Variants in NEK10 observed in about 807,000 individuals in gnomAD.
NEK10 encodes the protein serine/threonine-protein kinase Nek10.
NEK10 carries 122 observed loss-of-function variants against 159.8 expected under a neutral mutation model. The ratio of observed to expected loss-of-function variants is 0.76; its 90% CI spans 0.66 to 0.89. NEK10 has a LOEUF of 0.89. Ranked by LOEUF, NEK10 falls within the 40% of genes least tolerant of loss-of-function variation. The pLI, the probability that NEK10 is intolerant of heterozygous loss-of-function variation, is 0.00. For synonymous variants in NEK10, 466 were observed against 457.1 expected (o/e 1.02, Z -0.25); for missense variants, 1,342 against 1,323.1 (o/e 1.01, Z -0.22).
At chr3:27,205,748 A>G (rs1297602759) in intron 23 of NEK10, among the ~76,000 whole-genome samples, 1 of 132,560 alleles carries the variant, frequency 7.5e-6, no homozygotes, top group Non-Finnish European at 1.6e-5. Flanking sequence ...CTAAAACCAT[A>G]AAAACCCTAG....
Position 27,290,682 on chromosome 3 carries a change from C to T in NEK10, c.1678G>A (p.Asp560Asn). ...VNLHNPAFGK[D>N]KKDRDSSVRN... Reference sequence around the variant, plus strand: ...ACGCTGCTGTCTCGATCTTTCTTATCCTTTCCAAATGCTGGGTTATGTAAA... The same window carrying T: ...ACGCTGCTGTCTCGATCTTTCTTATTCTTTCCAAATGCTGGGTTATGTAAA... Residue 560 changes from aspartate to asparagine, a missense_variant, in exon 19 of 36, where the codon GAT becomes AAT. Physicochemically the swap from Asp to Asn is conservative, Grantham distance 23. Transcript: ENST00000691995. 6.2e-7 allele frequency: 1 copy of T among 1,608,598 alleles called. No homozygotes were observed. The highest frequency in any genetic ancestry group is 8.5e-7 in the Non-Finnish European group (1 of 1,175,632).
At chr3:27,253,524 A>G (rs1955876738) in intron 23 of NEK10, among the ~76,000 whole-genome samples, 1 of 152,222 alleles carries the variant, frequency 6.6e-6, no homozygotes, top group Non-Finnish European at 1.5e-5. Flanking sequence ...CTTCTGTTCT[A>G]GTACAATCGG....
chr3:27,344,267 C>A lies in NEK10; in HGVS notation c.362+5G>T, dbSNP rs1254082061. The A allele has an allele frequency of 6.8e-7, 1 of 1,465,908 alleles. No homozygotes were observed. Among genetic ancestry groups the A allele is most frequent in the Non-Finnish European group, 9.5e-7 (1 of 1,052,320 alleles). The allele number at this position is 1,465,908 out of a possible 1,614,324, so 90.8% of individuals were successfully genotyped here. ...TAAAAGCCTGTTTTCCAGGAACAAT[C>A]TTACCTGCTTATGAGTCTATTTTTC... On this transcript the variant is annotated splice_donor_5th_base_variant and intron_variant, in intron 5 of 35. Transcript: ENST00000691995.
intron 23 of NEK10, among the ~76,000 whole-genome samples, chr3:27,249,310 T>C (rs1016757531): frequency 1.3e-5 from 2 of 152,334 alleles, no homozygotes; most frequent in East Asian, 1.9e-4. Flanking sequence ...TAGTTCTTTA[T>C]AGCAGTTTGA....
At chr3:27,225,329 CA>C (rs1282292679) in intron 23 of NEK10, among the ~76,000 whole-genome samples, 4 of 152,210 alleles carry the variant, frequency 2.6e-5, no homozygotes, top group Non-Finnish European at 4.4e-5. Context: ...TCTCCTTTGG[CA>C]ACATCCTCAC....
intron 1 of NEK10, among the ~76,000 whole-genome samples, chr3:27,353,821 A>G (rs2048142294): frequency 6.6e-6 from 1 of 152,212 alleles, no homozygotes. Flanking sequence ...AAGCAAAAAA[A>G]CAAACAAAAA....
At chr3:27,158,023 T>A (rs1204200265) in intron 30 of NEK10, among the ~76,000 whole-genome samples, 1 of 152,188 alleles carries the variant, frequency 6.6e-6, no homozygotes, top group Non-Finnish European at 1.5e-5. Context: ...CTTAGTATAG[T>A]GTAAACATAA....
At chr3:27,324,964 C>T (rs1270351159) in intron 5 of NEK10, among the ~76,000 whole-genome samples, 1 of 152,134 alleles carries the variant, frequency 6.6e-6, no homozygotes, top group Non-Finnish European at 1.5e-5. Flanking sequence ...CCCATGAAAG[C>T]CTTTTGTGGC....
In NEK10 at chr3:27,204,301, G is replaced by GC. The variant is rs1950311655; in HGVS notation, c.2091-1745_2091-1744insG. 1.2e-4 allele frequency among the ~76,000 whole-genome samples: 8 copies of GC among 66,352 alleles called. No homozygotes were observed. The East Asian group carries it at 3.6e-3, about 29-fold the overall frequency. The allele number at this position is 66,352 out of a possible 152,430, so 43.5% of individuals were successfully genotyped here. Reference sequence around the variant, plus strand: ...TTTTTTTTTTTTTTTTTTTGTTGTTGTTTTTTTTTTTTTTTTTTTTATTAT... The same window carrying GC: ...TTTTTTTTTTTTTTTTTTTGTTGTTGCTTTTTTTTTTTTTTTTTTTTATTAT... On this transcript the variant is annotated intron_variant, in intron 23 of 35. Transcript: ENST00000691995.
At chr3:27,207,571 C>T (rs1272996111) in intron 23 of NEK10, among the ~76,000 whole-genome samples, 1 of 152,022 alleles carries the variant, frequency 6.6e-6, no homozygotes, top group Non-Finnish European at 1.5e-5. Flanking sequence ...TAAAAATAGA[C>T]TTACTACTGT....
intron 22 of NEK10, among the ~76,000 whole-genome samples, chr3:27,284,254 G>A (rs866536021): frequency 6.6e-6 from 1 of 152,034 alleles, no homozygotes. Flanking sequence ...GCATGGTGGC[G>A]GGTGCCCATA....
intron 1 of NEK10, chr3:27,367,459 A>G (rs1329925843): frequency 6.6e-6 from 1 of 152,226 alleles, no homozygotes; most frequent in Non-Finnish European, 1.5e-5. Flanking sequence ...GTAGTTTCCA[A>G]TTACTAAGGG....
At chr3:27,211,248 G>A (rs2149096484) in intron 23 of NEK10, among the ~76,000 whole-genome samples, 1 of 152,258 alleles carries the variant, frequency 6.6e-6, no homozygotes, top group South Asian at 2.1e-4. Context: ...GATAATAAAT[G>A]TGCAAGTGCC....
At chr3:27,303,514 A>G (rs1338453268) in intron 12 of NEK10, among the ~76,000 whole-genome samples, 1 of 152,200 alleles carries the variant, frequency 6.6e-6, no homozygotes, top group African/African-American at 2.4e-5. Flanking sequence ...AATTATTTTG[A>G]CCAAGGGGCT....
intron 1 of NEK10, among the ~76,000 whole-genome samples, chr3:27,360,100 GACAT>G (rs889158847): frequency 6.6e-6 from 1 of 152,164 alleles, no homozygotes; most frequent in African/African-American, 2.4e-5. Flanking sequence ...GTTTAAAAAG[GACAT>G]CTGGTTCTCT....
chr3:27,274,797 G>A (rs1174885360), intron 22 of NEK10, among the ~76,000 whole-genome samples: 1 of 152,100 alleles, frequency 6.6e-6, no homozygotes, highest in Non-Finnish European at 1.5e-5. Flanking sequence ...GACATAATCA[G>A]AAGCATAGTA....
chr3:27,341,322 T>C (rs1023864282), intron 5 of NEK10, among the ~76,000 whole-genome samples: 4 of 152,152 alleles, frequency 2.6e-5, no homozygotes, highest in Non-Finnish European at 5.9e-5. Context: ...CAACAATGTA[T>C]TGTCTATTTC....
rs1206813285 is a variant in NEK10 at position 27,110,995 on chromosome 3, C to G, written c.*277G>C. ...GTTGTTTTTGGGTTTTCCCCCCACC[C>G]TCCAAAAGATGAATTTTGCAGCATT... On this transcript the variant is annotated 3_prime_UTR_variant, in exon 36 of 36. Transcript: ENST00000691995. 1.6e-5 allele frequency: 5 copies of G among 305,990 alleles called. No individual in the cohort carries two copies. The highest frequency in any genetic ancestry group is 2.4e-5 in the Non-Finnish European group (4 of 167,862). 19.0% of individuals were successfully genotyped at this position (305,990 alleles called of 1,614,324 possible).
intron 29 of NEK10, among the ~76,000 whole-genome samples, chr3:27,170,152 A>G (rs1946822601): frequency 6.6e-6 from 1 of 152,134 alleles, no homozygotes; most frequent in South Asian, 2.1e-4. Context: ...TTGTATCCAA[A>G]AAGCCCTGCC....
Sources: gnomAD v4.1 joint callset for allele counts (sites outside exome capture counted in the v4.1 genomes callset) on GRCh38, gnomAD v4.1.1 for gene constraint, MANE v1.5 for transcripts, NCBI Gene and HGNC (gene_info 2026-07-23, HGNC 2026-07-21) for gene names.